PRDM16: variants seen among roughly 807,000 people sequenced by gnomAD.
The protein encoded by PRDM16 is histone-lysine N-methyltransferase PRDM16.
In PRDM16, 23 loss-of-function variants were observed where a neutral mutation model predicts 110.6. The observed-to-expected ratio is 0.21, with a 90% confidence interval of 0.15 to 0.29. The LOEUF (loss-of-function observed/expected upper bound fraction) is 0.29. Among genes scored for constraint, PRDM16 ranks in the 10% least tolerant of loss-of-function variants. PRDM16 has a pLI of 1.00. For missense variants in PRDM16, 1,615 were observed against 1,794.3 expected (o/e 0.90, Z 1.81); for synonymous variants, 799 against 781.8 (o/e 1.02, Z -0.37).
At chr1:3,130,966 T>C (rs1643322789) in intron 1 of PRDM16, among the ~76,000 whole-genome samples, 1 of 152,090 alleles carries the variant, frequency 6.6e-6, no homozygotes, top group African/African-American at 2.4e-5. Flanking sequence ...TCTGAGTTTG[T>C]GGGGTGGAGG....
intron 2 of PRDM16, among the ~76,000 whole-genome samples, chr1:3,230,391 A>C (rs1355704820): frequency 6.6e-6 from 1 of 152,188 alleles, no homozygotes; most frequent in Non-Finnish European, 1.5e-5. Flanking sequence ...TCCAGACAAG[A>C]AGCTCAGTTA....
intron 1 of PRDM16, among the ~76,000 whole-genome samples, chr1:3,138,448 T>C (rs76354874): frequency 0.022 from 3,365 of 152,282 alleles, 187 homozygotes; most frequent in East Asian, 0.22. Flanking sequence ...GGAGCCGGCG[T>C]TGGGGTCTCC....
intron 1 of PRDM16, among the ~76,000 whole-genome samples, chr1:3,082,773 C>A (rs1347402143): frequency 6.6e-6 from 1 of 152,220 alleles, no homozygotes; most frequent in Admixed American, 6.5e-5. Flanking sequence ...CTCAGCTTTG[C>A]CCGCTTTGTG....
chr1:3,329,884 G>A (rs1642008037), intron 3 of PRDM16, among the ~76,000 whole-genome samples: 1 of 152,272 alleles, frequency 6.6e-6, no homozygotes, highest in African/African-American at 2.4e-5. Flanking sequence ...CCATGGCTGA[G>A]CTTGTGTTGG....
At chr1:3,196,910 C>T (rs1638493335) in intron 2 of PRDM16, among the ~76,000 whole-genome samples, 1 of 152,222 alleles carries the variant, frequency 6.6e-6, no homozygotes, top group Non-Finnish European at 1.5e-5. Flanking sequence ...GTGGAAGGAG[C>T]AGAAGCTGGA....
At chr1:3,204,712 G>C (rs541038589) in intron 2 of PRDM16, among the ~76,000 whole-genome samples, 1 of 152,266 alleles carries the variant, frequency 6.6e-6, no homozygotes, top group Non-Finnish European at 1.5e-5. Context: ...GACCACGATC[G>C]TGTGTTCTGT....
intron 2 of PRDM16, among the ~76,000 whole-genome samples, chr1:3,210,089 C>G (rs1638845812): frequency 6.6e-6 from 1 of 152,242 alleles, no homozygotes; most frequent in Non-Finnish European, 1.5e-5. Flanking sequence ...ATGTCTAGAA[C>G]AGAAATCTAT....
intron 4 of PRDM16, chr1:3,394,423 G>A (rs1643352006): frequency 2.2e-6 from 1 of 450,550 alleles, no homozygotes. Flanking sequence ...GAGCCGAGAA[G>A]CAGGGAGTGC....
intron 1 of PRDM16, among the ~76,000 whole-genome samples, chr1:3,160,293 T>A (rs207199): frequency 1.3e-5 from 2 of 151,908 alleles, no homozygotes; most frequent in Non-Finnish European, 2.9e-5. Context: ...TGGTGTGGGA[T>A]CATTTGCGCC....
intron 3 of PRDM16, among the ~76,000 whole-genome samples, chr1:3,314,703 C>T (rs1641558009): frequency 6.6e-6 from 1 of 151,892 alleles, no homozygotes; most frequent in Non-Finnish European, 1.5e-5. Flanking sequence ...CAGAAAAGTT[C>T]CTCCCCCTCC....
chr1:3,117,039 C>T (rs1344521044), intron 1 of PRDM16, among the ~76,000 whole-genome samples: 1 of 152,208 alleles, frequency 6.6e-6, no homozygotes, highest in Non-Finnish European at 1.5e-5. Context: ...GACAGGTGGG[C>T]ACAGCTGCCC....
chr1:3,109,619 T>C (rs1642739531), intron 1 of PRDM16, among the ~76,000 whole-genome samples: 1 of 152,200 alleles, frequency 6.6e-6, no homozygotes, highest in African/African-American at 2.4e-5. Context: ...CCTTAGGGCT[T>C]TTCATCTGGG....
chr1:3,161,805 C>T (rs1278879817), intron 1 of PRDM16, among the ~76,000 whole-genome samples: 2 of 152,254 alleles, frequency 1.3e-5, no homozygotes, highest in African/African-American at 4.8e-5. Flanking sequence ...GTCCCAGCTC[C>T]TGGGTGCAGG....
At chr1:3,292,562 G>T (rs541380993) in intron 3 of PRDM16, among the ~76,000 whole-genome samples, 55 of 152,192 alleles carry the variant, frequency 3.6e-4, no homozygotes, top group Non-Finnish European at 7.5e-4. Context: ...TCTTGACCGC[G>T]CTGTCCGGAT....
Position 3,201,990 on chromosome 1 carries a change from C to G in PRDM16, c.387+15516C>G, listed in dbSNP as rs868824329. 6.6e-6 allele frequency among the ~76,000 whole-genome samples: 1 copy of G among 152,202 alleles called. No homozygotes were observed. On this transcript the variant is annotated intron_variant, in intron 2 of 16. Transcript: ENST00000270722. The surrounding 1 kb of genome is among the most constrained non-coding windows in gnomAD (Gnocchi z 4.1). ...CCCGTACATAATAGTGGGTCCCACACGTCCATGAGGCAGGGGACGCCCTCA... is the reference window on the plus strand; with the variant it reads ...CCCGTACATAATAGTGGGTCCCACAGGTCCATGAGGCAGGGGACGCCCTCA...
At chr1:3,167,358 G>A (rs1018790653) in intron 1 of PRDM16, among the ~76,000 whole-genome samples, 2 of 152,146 alleles carry the variant, frequency 1.3e-5, no homozygotes, top group Admixed American at 6.5e-5. Context: ...AGTTTTCTGG[G>A]AATTCAGGCC....
At chr1:3,301,023 A>C (rs983144431) in intron 3 of PRDM16, among the ~76,000 whole-genome samples, 1 of 152,184 alleles carries the variant, frequency 6.6e-6, no homozygotes, top group Non-Finnish European at 1.5e-5. Flanking sequence ...CAAACCTGAC[A>C]TGAAGTGAGG....
Position 3,095,684 on chromosome 1 carries a change from G to A in PRDM16, c.37+26388G>A, listed in dbSNP as rs992495128. 1.6e-4 allele frequency among the ~76,000 whole-genome samples: 24 copies of A among 152,136 alleles called. 1 individual carries two copies. Among genetic ancestry groups the A allele is most frequent in the African/African-American group, 5.8e-4 (24 of 41,444 alleles). On this transcript the variant is annotated intron_variant, in intron 1 of 16. Transcript: ENST00000270722. ...CCACCCCAAGACGCAGCCTCACAGTGTGTGCCGTGGGCAGCCTCTGGCCTC... is the reference window on the plus strand; with the variant it reads ...CCACCCCAAGACGCAGCCTCACAGTATGTGCCGTGGGCAGCCTCTGGCCTC...
chr1:3,194,700 C>T (rs936471035), intron 2 of PRDM16, among the ~76,000 whole-genome samples: 3 of 150,032 alleles, frequency 2.0e-5, no homozygotes, highest in Non-Finnish European at 4.4e-5. Flanking sequence ...GCCATCGTCT[C>T]CCCGCCACAC....
Sources: allele counts gnomAD v4.1 joint callset (sites outside exome capture counted in the v4.1 genomes callset), GRCh38; gene constraint gnomAD v4.1.1; non-coding constraint Gnocchi (gnomAD v3.1); transcripts MANE v1.5; gene names NCBI Gene and HGNC (gene_info 2026-07-23, HGNC 2026-07-21).